CNTNAP2: variants seen among roughly 807,000 people sequenced by gnomAD.
The protein encoded by CNTNAP2 is contactin-associated protein-like 2.
A neutral mutation model predicts 155.2 loss-of-function variants in CNTNAP2; 98 were observed. The ratio of observed to expected loss-of-function variants is 0.63; its 90% CI spans 0.54 to 0.75. The LOEUF (loss-of-function observed/expected upper bound fraction) is 0.75, where lower values mean the gene tolerates loss of function less well. Ranked by LOEUF, CNTNAP2 falls within the 30% of genes least tolerant of loss-of-function variation. The pLI, the probability that CNTNAP2 is intolerant of heterozygous loss-of-function variation, is 0.00. For missense variants in CNTNAP2, 1,727 were observed against 1,688.1 expected (o/e 1.02, Z -0.40); for synonymous variants, 651 against 631.2 (o/e 1.03, Z -0.47).
At chr7:147,791,056 A>G (rs1182166667) in intron 13 of CNTNAP2, among the ~76,000 whole-genome samples, 1 of 152,162 alleles carries the variant, frequency 6.6e-6, no homozygotes, top group Non-Finnish European at 1.5e-5. Context: ...TTATTTTTAA[A>G]ATGTCATCTG....
At chr7:147,874,546 G>C (rs1386863237) in intron 13 of CNTNAP2, among the ~76,000 whole-genome samples, 1 of 152,278 alleles carries the variant, frequency 6.6e-6, no homozygotes, top group South Asian at 2.1e-4. Flanking sequence ...CAGCAGGGGG[G>C]CCCTGGGCCC....
At chr7:146,511,332 T>A (rs2129135342) in intron 1 of CNTNAP2, among the ~76,000 whole-genome samples, 1 of 152,338 alleles carries the variant, frequency 6.6e-6, no homozygotes, top group African/African-American at 2.4e-5. Flanking sequence ...GTATGTTGAA[T>A]AAAAGTAGTG....
At chr7:146,348,344 G>A (rs527284367) in intron 1 of CNTNAP2, among the ~76,000 whole-genome samples, 1 of 152,286 alleles carries the variant, frequency 6.6e-6, no homozygotes, top group African/African-American at 2.4e-5. Context: ...AGAATCGCTT[G>A]AACCTGGGAA....
intron 1 of CNTNAP2, among the ~76,000 whole-genome samples, chr7:146,445,160 A>T (rs147392356): frequency 6.6e-6 from 1 of 152,314 alleles, no homozygotes; most frequent in African/African-American, 2.4e-5. Flanking sequence ...GCTATGTTCA[A>T]CCCAATCCTC....
chr7:148,273,221 T>A (rs1486018261), intron 21 of CNTNAP2, among the ~76,000 whole-genome samples: 1 of 152,228 alleles, frequency 6.6e-6, no homozygotes, highest in East Asian at 1.9e-4. Context: ...CTAAATAAAC[T>A]TTGAAACTTT....
chr7:146,558,904 C>T (rs1798238839), intron 1 of CNTNAP2, among the ~76,000 whole-genome samples: 2 of 152,174 alleles, frequency 1.3e-5, no homozygotes, highest in Admixed American at 1.3e-4. Context: ...CAAGATTCAT[C>T]TCTGTTGCCT....
chr7:146,976,038 C>A (rs1038563401), intron 3 of CNTNAP2, among the ~76,000 whole-genome samples: 2 of 152,004 alleles, frequency 1.3e-5, no homozygotes, highest in Admixed American at 6.6e-5. Flanking sequence ...GTGGACACAA[C>A]CAGGAAAATA....
chr7:146,382,935 G>A (rs1347772185), intron 1 of CNTNAP2, among the ~76,000 whole-genome samples: 2 of 152,098 alleles, frequency 1.3e-5, no homozygotes, highest in African/African-American at 4.8e-5. Flanking sequence ...AACTCCCAAT[G>A]TAACCTATGA....
At chr7:146,698,774 C>T (rs149641201) in intron 1 of CNTNAP2, among the ~76,000 whole-genome samples, 1,817 of 152,112 alleles carry the variant, frequency 0.012, 23 homozygotes, top group Middle Eastern at 0.054. Flanking sequence ...TTACACATTT[C>T]GTAACACTCA....
chr7:146,270,438 T>G (rs1800062788), intron 1 of CNTNAP2, among the ~76,000 whole-genome samples: 1 of 152,216 alleles, frequency 6.6e-6, no homozygotes. Context: ...TTTTGGCAAT[T>G]ATCTTAAAGA....
intron 1 of CNTNAP2, among the ~76,000 whole-genome samples, chr7:146,726,324 G>A (rs946102306): frequency 1.3e-5 from 2 of 152,128 alleles, no homozygotes; most frequent in Non-Finnish European, 2.9e-5. Flanking sequence ...AAATTTCACA[G>A]TCTAGAATTC....
At chr7:148,330,208 A>G (rs62470608) in intron 21 of CNTNAP2, among the ~76,000 whole-genome samples, 1 of 16,546 alleles carries the variant, frequency 6.0e-5, no homozygotes, top group African/African-American at 2.4e-4. Flanking sequence ...GATGGAGTGG[A>G]TGGATGGAAT....
chr7:147,426,685 C>T (rs1797382847), intron 10 of CNTNAP2, among the ~76,000 whole-genome samples: 1 of 152,110 alleles, frequency 6.6e-6, no homozygotes, highest in Non-Finnish European at 1.5e-5. Context: ...TTCTTGTTCA[C>T]AGAATGTCTG....
At chr7:146,943,312 C>T (rs187069228) in intron 3 of CNTNAP2, among the ~76,000 whole-genome samples, 15 of 152,044 alleles carry the variant, frequency 9.9e-5, no homozygotes, top group Middle Eastern at 3.4e-3. Flanking sequence ...GCCAACATGG[C>T]GAAATCCTGT....
chr7:146,877,142 A>G (rs1214288008), intron 3 of CNTNAP2, among the ~76,000 whole-genome samples: 3 of 152,130 alleles, frequency 2.0e-5, no homozygotes, highest in African/African-American at 7.2e-5. Context: ...AAAGCATTGC[A>G]TTCAGAAACA....
intron 13 of CNTNAP2, among the ~76,000 whole-genome samples, chr7:147,824,935 T>C (rs1798423758): frequency 1.3e-5 from 2 of 152,100 alleles, no homozygotes; most frequent in South Asian, 2.1e-4. Context: ...AAAATTTTGC[T>C]TAACGTGGAT....
intron 23 of CNTNAP2, among the ~76,000 whole-genome samples, chr7:148,411,238 T>G (rs1208232045): frequency 6.6e-6 from 1 of 152,144 alleles, no homozygotes; most frequent in African/African-American, 2.4e-5. Context: ...AATACGCATC[T>G]ATAAGTGTAA....
chr7:148,000,458 C>T (rs998348857), intron 15 of CNTNAP2, among the ~76,000 whole-genome samples: 7 of 152,118 alleles, frequency 4.6e-5, no homozygotes, highest in African/African-American at 1.7e-4. Context: ...CTCATTTAAT[C>T]CTCGCAAGTA....
intron 15 of CNTNAP2, among the ~76,000 whole-genome samples, chr7:147,980,787 C>T (rs1181375010): frequency 1.5e-5 from 2 of 132,684 alleles, no homozygotes; most frequent in African/African-American, 2.9e-5. Context: ...AAAAATTAGC[C>T]GGGCGTGGTG....
Sources: allele counts gnomAD v4.1 joint callset (sites outside exome capture counted in the v4.1 genomes callset), GRCh38; gene constraint gnomAD v4.1.1; transcripts MANE v1.5; gene names NCBI Gene and HGNC (gene_info 2026-07-23, HGNC 2026-07-21).